Variants in TRHDE observed in about 807,000 individuals in gnomAD.
The protein encoded by TRHDE is thyrotropin-releasing hormone-degrading ectoenzyme.
A neutral mutation model predicts 125.7 loss-of-function variants in TRHDE; 72 were observed. The observed-to-expected ratio is 0.57, with a 90% confidence interval of 0.47 to 0.70. The LOEUF (loss-of-function observed/expected upper bound fraction) is 0.70, where lower values mean the gene tolerates loss of function less well. Ranked by LOEUF, TRHDE falls within the 30% of genes least tolerant of loss-of-function variation. The probability of loss-of-function intolerance (pLI) is 0.00; values close to 1 mark genes in which losing one functional copy is unlikely to be tolerated. For synonymous variants in TRHDE, 509 were observed against 509.1 expected (o/e 1.00, Z 0.00); for missense variants, 1,110 against 1,327.1 (o/e 0.84, Z 2.54).
At chr12:72,094,169 G>A (rs765141546) in intron 1 of TRHDE, among the ~76,000 whole-genome samples, 9 of 151,804 alleles carry the variant, frequency 5.9e-5, no homozygotes, top group Non-Finnish European at 2.9e-5. Flanking sequence ...CTGGGGCCTT[G>A]GCCAGTAGGA....
rs146148847 is a variant in TRHDE at position 72,618,978 on chromosome 12, C to T, written c.2409C>T (p.Ser803=). The part of the protein sequence containing the change: ...EKDFLPWHAA[S]RALYPLDKLL... Reference sequence around the variant, plus strand: ...ATTTTCTTCCTTGGCATGCTGCCAGCCGAGCTCTTTATCCTCTAGATAAAT... The same window carrying T: ...ATTTTCTTCCTTGGCATGCTGCCAGTCGAGCTCTTTATCCTCTAGATAAAT... The change falls in exon 13 of 19, where the codon AGC becomes AGT. Residue 803 remains serine, a synonymous_variant. Coordinates refer to ENST00000261180, the MANE Select transcript of TRHDE (RefSeq NM_013381.3). The T allele has an allele frequency of 3.1e-5, 49 of 1,602,686 alleles. No homozygotes were observed. The highest frequency in any genetic ancestry group is 4.2e-5 in the Non-Finnish European group (49 of 1,174,152).
chr12:72,432,465 C>T (rs1178711401), intron 3 of TRHDE, among the ~76,000 whole-genome samples: 3 of 152,192 alleles, frequency 2.0e-5, no homozygotes, highest in Admixed American at 6.6e-5. Context: ...AATTCCCCCA[C>T]AGTCCCTTGT....
chr12:72,218,868 G>A (rs1171060175), intron 2 of TRHDE, among the ~76,000 whole-genome samples: 2 of 152,060 alleles, frequency 1.3e-5, no homozygotes, highest in Admixed American at 6.6e-5. Flanking sequence ...TATTTACTAA[G>A]ATGCTTTCTC....
At chr12:72,493,961 A>C (rs758813116) in intron 5 of TRHDE, among the ~76,000 whole-genome samples, 6 of 152,034 alleles carry the variant, frequency 3.9e-5, no homozygotes, top group Non-Finnish European at 5.9e-5. Flanking sequence ...TTGTGTTTTA[A>C]CATTTGTTTT....
chr12:72,170,958 G>T (rs1033597927), intron 2 of TRHDE, among the ~76,000 whole-genome samples: 3 of 152,102 alleles, frequency 2.0e-5, no homozygotes, highest in African/African-American at 7.2e-5. Context: ...GAGCTTCTGG[G>T]TAATGGGAAA....
intron 2 of TRHDE, among the ~76,000 whole-genome samples, chr12:72,136,984 G>A (rs1876000610): frequency 1.3e-5 from 2 of 152,198 alleles, no homozygotes; most frequent in South Asian, 4.1e-4. Context: ...TGGACCACCT[G>A]TTATCCACTG....
chr12:72,092,964 CT>C (rs1436395182), intron 1 of TRHDE, among the ~76,000 whole-genome samples: 2 of 152,162 alleles, frequency 1.3e-5, no homozygotes, highest in African/African-American at 4.8e-5. Flanking sequence ...GTATGTATGG[CT>C]TTGAGATTTA....
intron 2 of TRHDE, among the ~76,000 whole-genome samples, chr12:72,358,286 A>T (rs1449598531): frequency 6.6e-6 from 1 of 150,916 alleles, no homozygotes; most frequent in Non-Finnish European, 1.5e-5. Flanking sequence ...AGCAAGAGCA[A>T]CCCCTCCTCT....
chr12:72,103,362 C>T (rs1324882976), intron 1 of TRHDE, among the ~76,000 whole-genome samples: 2 of 152,084 alleles, frequency 1.3e-5, no homozygotes, highest in Non-Finnish European at 2.9e-5. Context: ...GGAAAGTCTG[C>T]CACTTAAAAG....
rs528639227 is a variant in TRHDE at position 72,185,477 on chromosome 12, C to T, written n.279+79725C>T. Among the ~76,000 whole-genome samples, 409 of 152,364 alleles carry T rather than the reference C, an allele frequency of 2.7e-3. 1 individual carries two copies. The highest frequency in any genetic ancestry group is 9.3e-3 in the African/African-American group (388 of 41,590). ...GGCAGCTCCACCTGCAGCCCCTGTG[C>T]GGGATCCACTAGGTGAAGCCAGCTG... On this transcript the variant is annotated intron_variant and non_coding_transcript_variant, in intron 2 of 4. Transcript: ENST00000548156.
chr12:72,229,238 G>T (rs1330208111), intron 2 of TRHDE, among the ~76,000 whole-genome samples: 3 of 152,138 alleles, frequency 2.0e-5, no homozygotes, highest in Admixed American at 2.0e-4. Context: ...TCATACGGGT[G>T]GGGAGGCCTC....
chr12:72,569,468 A>G (rs1350668129), intron 10 of TRHDE, among the ~76,000 whole-genome samples: 1 of 152,206 alleles, frequency 6.6e-6, no homozygotes, highest in Non-Finnish European at 1.5e-5. Flanking sequence ...TAGTTTAAAA[A>G]GCCACATATT....
At chr12:72,133,148 T>C (rs1018807708) in intron 2 of TRHDE, among the ~76,000 whole-genome samples, 20 of 152,046 alleles carry the variant, frequency 1.3e-4, no homozygotes, top group African/African-American at 4.8e-4. Flanking sequence ...AGCACAGAGA[T>C]TCATGCTTCA....
At chr12:72,175,296 G>C (rs1876963266) in intron 2 of TRHDE, among the ~76,000 whole-genome samples, 1 of 152,110 alleles carries the variant, frequency 6.6e-6, no homozygotes. Flanking sequence ...ATATCCTCAA[G>C]GTCCAGCCAT....
intron 3 of TRHDE, among the ~76,000 whole-genome samples, chr12:72,381,223 A>G (rs1194803488): frequency 2.0e-5 from 3 of 152,138 alleles, no homozygotes; most frequent in East Asian, 3.9e-4. Flanking sequence ...AACTATCAAT[A>G]CAACCAAGGT....
At chr12:72,474,681 C>T (rs934610069) in intron 5 of TRHDE, among the ~76,000 whole-genome samples, 3 of 152,018 alleles carry the variant, frequency 2.0e-5, no homozygotes, top group African/African-American at 7.2e-5. Flanking sequence ...GGATCGATTG[C>T]TTCCAAAAAT....
At chr12:72,370,901 C>A (rs189035790) in intron 2 of TRHDE, among the ~76,000 whole-genome samples, 1 of 152,178 alleles carries the variant, frequency 6.6e-6, no homozygotes, top group Non-Finnish European at 1.5e-5. Flanking sequence ...CACCACCATG[C>A]TCAGCTAATT....
chr12:72,399,890 C>T (rs940639695), intron 3 of TRHDE, among the ~76,000 whole-genome samples: 6 of 152,066 alleles, frequency 3.9e-5, no homozygotes, highest in Non-Finnish European at 7.4e-5. Context: ...TTTCTGTGGT[C>T]TATTTTAAAA....
intron 2 of TRHDE, among the ~76,000 whole-genome samples, chr12:72,264,822 A>G (rs1879028255): frequency 6.6e-6 from 1 of 151,956 alleles, no homozygotes; most frequent in African/African-American, 2.4e-5. Flanking sequence ...AATCAACTGT[A>G]TTATAAGAAT....
Sources: gnomAD v4.1 joint callset for allele counts (sites outside exome capture counted in the v4.1 genomes callset) on GRCh38, gnomAD v4.1.1 for gene constraint, MANE v1.5 for transcripts, NCBI Gene and HGNC (gene_info 2026-07-23, HGNC 2026-07-21) for gene names.